SLC19A3: variants seen among roughly 807,000 people sequenced by gnomAD.
SLC19A3 encodes the protein thiamine transporter 2.
SLC19A3 carries 31 observed loss-of-function variants against 40.2 expected under a neutral mutation model. The ratio of observed to expected loss-of-function variants is 0.77; its 90% CI spans 0.58 to 1.04. The LOEUF is 1.04. Among genes scored for constraint, SLC19A3 ranks in the 50% least tolerant of loss-of-function variants. The probability of loss-of-function intolerance (pLI) is 0.00; values close to 1 mark genes in which losing one functional copy is unlikely to be tolerated. For synonymous variants in SLC19A3, 212 were observed against 227.5 expected (o/e 0.93, Z 0.61); for missense variants, 592 against 596.7 (o/e 0.99, Z 0.08).
Position 227,698,877 on chromosome 2 carries a change from A to G in SLC19A3, c.838T>C (p.Tyr280His). 1.2e-6 allele frequency: 2 copies of G among 1,614,200 alleles called. No homozygotes were observed. Among genetic ancestry groups the G allele is most frequent in the Non-Finnish European group, 8.5e-7 (1 of 1,180,014 alleles). ...KECYSSKRLF[Y>H]WSLWWAFATA... is the part of the protein sequence containing the mutation. ...GCGAAAGCCCACCATAGAGACCAGT[A>G]GAAAAGACGTTTTGAGGAGTAGCAC... The change falls in exon 3 of 6, where the codon TAC (tyrosine) becomes CAC (histidine). Residue 280 changes from tyrosine (Y) to histidine (H), a missense_variant. Physicochemically the swap from Tyr to His is moderately conservative, Grantham distance 83. Coordinates refer to ENST00000644224, the MANE Select transcript of SLC19A3 (RefSeq NM_025243.4).
intron 3 of SLC19A3, among the ~76,000 whole-genome samples, chr2:227,698,217 G>A (rs1350724124): frequency 6.6e-6 from 1 of 151,802 alleles, no homozygotes; most frequent in Non-Finnish European, 1.5e-5. Flanking sequence ...CTGGAGTGCA[G>A]TGGCACGATC....
chr2:227,715,689 A>T (rs968021195), intron 1 of SLC19A3, among the ~76,000 whole-genome samples: 8 of 152,178 alleles, frequency 5.3e-5, no homozygotes, highest in Non-Finnish European at 1.2e-4. Flanking sequence ...GAGCAGGAGG[A>T]ATATGCCTAA....
chr2:227,708,613 A>C (rs561617799), intron 1 of SLC19A3, among the ~76,000 whole-genome samples: 34 of 151,914 alleles, frequency 2.2e-4, no homozygotes, highest in Middle Eastern at 3.4e-3. Context: ...AACAAAAAAA[A>C]CTTTCCAACT....
rs934058088 is a variant in SLC19A3, at chr2:227,703,578, G to T, written c.-2-1258C>A. Among the ~76,000 whole-genome samples, 1 of 152,174 alleles carries T rather than the reference G, an allele frequency of 6.6e-6. No homozygotes were observed. Among genetic ancestry groups the T allele is most frequent in the African/African-American group, 2.4e-5 (1 of 41,432 alleles). ...CTGACAATGTGAAAATTTTGCCAAAGGCAAATTACAGTGACTGTTAACCTA... is the reference window on the plus strand; with the variant it reads ...CTGACAATGTGAAAATTTTGCCAAATGCAAATTACAGTGACTGTTAACCTA... On this transcript the variant is annotated intron_variant, in intron 1 of 5. Coordinates refer to ENST00000644224, the MANE Select transcript of SLC19A3 (RefSeq NM_025243.4). This position sits in a 1 kb window ranked among gnomAD's most constrained non-coding sequence, Gnocchi z 4.7.
At chr2:227,709,289 C>T (rs981661701) in intron 1 of SLC19A3, among the ~76,000 whole-genome samples, 1 of 152,090 alleles carries the variant, frequency 6.6e-6, no homozygotes, top group Non-Finnish European at 1.5e-5. Flanking sequence ...CAAGATCAGC[C>T]TGGCCAACAT....
In SLC19A3 at chr2:227,702,236, A is replaced by ATC. The variant is rs775835429; in HGVS notation, c.81_82dup (p.Met28ArgfsTer2). 2.8e-5 allele frequency: 45 copies of ATC among 1,613,316 alleles called. No homozygotes were observed. Among genetic ancestry groups the ATC allele is most frequent in the Non-Finnish European group, 3.8e-5 (45 of 1,179,348 alleles). Reference sequence around the variant, plus strand: ...GATAAGGAATGGTTCTGAGGGTCTCATCATGGAGAAAAAACCAAATAAGCA... The same window carrying ATC: ...GATAAGGAATGGTTCTGAGGGTCTCATCTCATGGAGAAAAAACCAAATAAGCA... On this transcript the variant is annotated frameshift_variant, in exon 2 of 6. Coordinates refer to ENST00000644224, the MANE Select transcript of SLC19A3 (RefSeq NM_025243.4). LOFTEE classifies it high-confidence loss of function.
At chr2:227,690,435 C>T (rs184979812) in intron 4 of SLC19A3, among the ~76,000 whole-genome samples, 36 of 152,020 alleles carry the variant, frequency 2.4e-4, no homozygotes, top group Admixed American at 5.2e-4. Context: ...CGGCCAGGCG[C>T]GGTGGCTCAT....
Position 227,686,923 on chromosome 2 carries a change from T to C in SLC19A3, c.*474A>G, listed in dbSNP as rs1210657605. 1 of 154,070 alleles carries C rather than the reference T, an allele frequency of 6.5e-6. No individual in the cohort carries two copies. Among genetic ancestry groups the C allele is most frequent in the African/African-American group, 2.4e-5 (1 of 41,476 alleles). 9.5% of individuals were successfully genotyped at this position (154,070 alleles called of 1,614,324 possible). Reference sequence around the variant, plus strand: ...GTAACTTAAACAGAAATACACTTAATAGAAGAGGAAAGAAAATGGTTCATG... The same window carrying C: ...GTAACTTAAACAGAAATACACTTAACAGAAGAGGAAAGAAAATGGTTCATG... On this transcript the variant is annotated 3_prime_UTR_variant, in exon 6 of 6. Transcript: ENST00000644224.
intron 4 of SLC19A3, among the ~76,000 whole-genome samples, chr2:227,693,081 A>G (rs1366072009): frequency 2.0e-5 from 3 of 152,208 alleles, no homozygotes; most frequent in Non-Finnish European, 2.9e-5. Flanking sequence ...TTCCATATTC[A>G]TGGACTGGAG....
intron 1 of SLC19A3, among the ~76,000 whole-genome samples, chr2:227,717,363 T>C (rs1696369661): frequency 6.6e-6 from 1 of 152,270 alleles, no homozygotes; most frequent in Middle Eastern, 3.4e-3. Context: ...ACTCCGAAAG[T>C]CCCAACCTTT....
Position 227,685,956 on chromosome 2 carries a change from G to C in SLC19A3, c.*1441C>G. 1 of 190,288 alleles carries C rather than the reference G, an allele frequency of 5.3e-6. No homozygotes were observed. Among genetic ancestry groups the C allele is most frequent in the Non-Finnish European group, 1.1e-5 (1 of 88,740 alleles). 11.8% of individuals were successfully genotyped at this position (190,288 alleles called of 1,614,324 possible). Reference sequence around the variant, plus strand: ...TCACGCCTGTAATCTCAGCTCTTTGGGAGGCCGAGGCAGACAGATCACCTG... The same window carrying C: ...TCACGCCTGTAATCTCAGCTCTTTGCGAGGCCGAGGCAGACAGATCACCTG... On this transcript the variant is annotated 3_prime_UTR_variant, in exon 6 of 6. Transcript: ENST00000644224.
In SLC19A3 at chr2:227,687,259, T is replaced by A; in HGVS notation, c.*138A>T. The stretch of plus-strand genomic sequence containing the variant: ...GAACTCATCTAAAACTGAGGTTTTG[T>A]TGTGGTTTTGAAAGGTCCATTGGAA... On this transcript the variant is annotated 3_prime_UTR_variant, in exon 6 of 6. Transcript: ENST00000644224. 2.4e-6 allele frequency: 2 copies of A among 837,216 alleles called. No homozygotes were observed. 51.9% of individuals were successfully genotyped at this position (837,216 alleles called of 1,614,324 possible).
Position 227,699,451 on chromosome 2 carries a change from G to A in SLC19A3, c.264C>T (p.Ile88=). Residue 88 remains isoleucine, a synonymous_variant, in exon 3 of 6, where the codon ATC becomes ATT. Coordinates refer to ENST00000644224, the MANE Select transcript of SLC19A3 (RefSeq NM_025243.4). Reference sequence around the variant, plus strand: ...GCAGCAGCCAGGTAATGATGAAACTGATACCTTGCAAGATGATGACTGGCT... The same window carrying A: ...GCAGCAGCCAGGTAATGATGAAACTAATACCTTGCAAGATGATGACTGGCT... ...RYKPVIILQG[I]SFIITWLLLL... is the part of the protein sequence containing the mutation. 6.2e-7 allele frequency: 1 copy of A among 1,614,182 alleles called. No homozygotes were observed. The highest frequency in any genetic ancestry group is 8.5e-7 in the Non-Finnish European group (1 of 1,180,032).
At chr2:227,688,938 A>C (rs1190901695) in intron 4 of SLC19A3, among the ~76,000 whole-genome samples, 1 of 152,172 alleles carries the variant, frequency 6.6e-6, no homozygotes. Flanking sequence ...GAAATAATTA[A>C]AAAGAATCAA....
chr2:227,704,173 G>C (rs550955195), intron 1 of SLC19A3, among the ~76,000 whole-genome samples: 1 of 151,950 alleles, frequency 6.6e-6, no homozygotes, highest in Non-Finnish European at 1.5e-5. Context: ...TGAAAAGAGA[G>C]AAGTGTCAGG....
intron 1 of SLC19A3, chr2:227,706,206 T>A: frequency 1.5e-6 from 1 of 674,672 alleles, no homozygotes; most frequent in Non-Finnish European, 2.1e-6. Flanking sequence ...TATCATTCCA[T>A]TTTGATCCCG....
intron 2 of SLC19A3, 57 bp from the exon 3 acceptor site, chr2:227,699,621 G>A: frequency 1.6e-5 from 23 of 1,451,322 alleles, no homozygotes; most frequent in Non-Finnish European, 2.1e-5. Flanking sequence ...TAAGGTACCT[G>A]TGGTTTGTAT....
intron 1 of SLC19A3, among the ~76,000 whole-genome samples, chr2:227,710,991 A>C (rs1301358385): frequency 6.6e-6 from 1 of 152,208 alleles, no homozygotes; most frequent in Admixed American, 6.5e-5. Context: ...AAGAGAATAT[A>C]ACTTTCAGTA....
In SLC19A3 at chr2:227,685,713, T is replaced by C. The variant is rs12105737; in HGVS notation, c.*1684A>G. 11,247 of 152,784 alleles carry C rather than the reference T, an allele frequency of 0.074. 1,176 individuals are homozygous for C. The highest frequency in any genetic ancestry group is 0.24 in the African/African-American group (9,837 of 41,474). 9.5% of individuals were successfully genotyped at this position (152,784 alleles called of 1,614,324 possible). ...CAGGTGTGAGCCACAGCTTCCAGCC[T>C]TAATATAAATCTTGACTCAGCATTC... On this transcript the variant is annotated 3_prime_UTR_variant, in exon 6 of 6. Transcript: ENST00000644224.
Sources: gnomAD v4.1 joint callset for allele counts (sites outside exome capture counted in the v4.1 genomes callset) on GRCh38, gnomAD v4.1.1 for gene constraint, Gnocchi (gnomAD v3.1) non-coding constraint, MANE v1.5 for transcripts, NCBI Gene and HGNC (gene_info 2026-07-23, HGNC 2026-07-21) for gene names.